Variants in MAP3K7CL observed in about 807,000 individuals in gnomAD.
MAP3K7CL encodes the protein MAP3K7 C-terminal like.
Under a neutral mutation model 18.6 loss-of-function variants are expected in MAP3K7CL, and 16 were observed. The ratio of observed to expected loss-of-function variants is 0.86; its 90% CI spans 0.58 to 1.31. MAP3K7CL has a LOEUF of 1.31. MAP3K7CL is among the 50% of genes most tolerant of loss of function. MAP3K7CL has a pLI of 0.00. For synonymous variants in MAP3K7CL, 65 were observed against 66.8 expected, an observed-to-expected ratio of 0.97 and a Z score of 0.13; for missense variants, 163 against 174.4, an observed-to-expected ratio of 0.93 and a Z score of 0.37.
At chr21:29,139,144 T>C (rs2086947720) in intron 2 of MAP3K7CL, 1 of 152,202 alleles carries the variant, frequency 6.6e-6, no homozygotes, top group South Asian at 2.1e-4. Flanking sequence ...GAGAATTACA[T>C]GGAGTAGTTG....
intron 4 of MAP3K7CL, among the ~76,000 whole-genome samples, chr21:29,118,831 A>G (rs1365130875): frequency 6.6e-6 from 1 of 152,260 alleles, no homozygotes; most frequent in East Asian, 1.9e-4. Flanking sequence ...ATCTTTAAAC[A>G]TTTTAATTTT....
At position 29,135,060 on chromosome 21, in the gene MAP3K7CL, A is replaced by AC. The variant is rs1491581169; in HGVS notation, c.70+1647dup. On this transcript the variant is annotated intron_variant, in intron 2 of 4. Transcript: ENST00000399928. Reference sequence around the variant, plus strand: ...AGCAGGACTCCATCTCAAAAAAAAAACAAAAAAAACAAAAAACAAACCATG... The same window carrying AC: ...AGCAGGACTCCATCTCAAAAAAAAAACCAAAAAAAACAAAAAACAAACCATG... Among the ~76,000 whole-genome samples the AC allele has an allele frequency of 3.1e-3, 347 of 110,992 alleles. 2 individuals carry two copies. The highest frequency in any genetic ancestry group is 0.011 in the African/African-American group (329 of 28,894). 72.8% of individuals were successfully genotyped at this position (110,992 alleles called of 152,430 possible). A position where few individuals can be genotyped will look rare whatever the true frequency, so the allele number is the denominator to read the frequency against.
In MAP3K7CL at chr21:29,092,415, G is replaced by T. The variant is rs752825123; in HGVS notation, c.228-24G>T. 4 of 1,613,194 alleles carry T rather than the reference G, an allele frequency of 2.5e-6. No individual in the cohort carries two copies. The South Asian group carries it at 4.4e-5, about 18-fold the overall frequency. On this transcript the variant is annotated intron_variant, in intron 3 of 6. Transcript: ENST00000286791. The stretch of plus-strand genomic sequence containing the variant: ...GGGTCATTTGTCTCATCATGACTTT[G>T]ATTTGGCCTTGATCTTTATTTAGTA...
intron 4 of MAP3K7CL, among the ~76,000 whole-genome samples, chr21:29,111,145 A>G (rs1404294940): frequency 6.6e-6 from 1 of 152,012 alleles, no homozygotes; most frequent in Non-Finnish European, 1.5e-5. Context: ...AGTCCCAGCT[A>G]CTCGGGAGGC....
chr21:29,085,925 C>T (rs768811580), intron 1 of MAP3K7CL: 35 of 1,613,840 alleles, frequency 2.2e-5, no homozygotes, highest in Admixed American at 1.8e-4. Context: ...AAGGTATGTC[C>T]GCCTTCCCCC....
At chr21:29,134,477 C>T (rs2086841793) in intron 2 of MAP3K7CL, among the ~76,000 whole-genome samples, 1 of 152,212 alleles carries the variant, frequency 6.6e-6, no homozygotes, top group African/African-American at 2.4e-5. Context: ...CCAGGTGACA[C>T]ATTTAACCTG....
At chr21:29,123,055 C>CTT (rs1166550061) in intron 4 of MAP3K7CL, among the ~76,000 whole-genome samples, 23 of 89,314 alleles carry the variant, frequency 2.6e-4, no homozygotes, top group South Asian at 7.6e-4. Context: ...AAGAAATGAT[C>CTT]TTTTTTTTTT....
chr21:29,152,341 T>C (rs944344409), intron 3 of MAP3K7CL, among the ~76,000 whole-genome samples: 2 of 152,358 alleles, frequency 1.3e-5, no homozygotes, highest in East Asian at 1.9e-4. Flanking sequence ...AGTCTCTGTA[T>C]TGAAAGCAGT....
chr21:29,164,562 G>A (rs958056553), intron 4 of MAP3K7CL, among the ~76,000 whole-genome samples: 19 of 152,218 alleles, frequency 1.2e-4, no homozygotes, highest in Non-Finnish European at 4.4e-5. Context: ...AAGTTTGGGA[G>A]AATTTGTCTT....
chr21:29,082,410 G>A (rs1029108272), upstream of MAP3K7CL, among the ~76,000 whole-genome samples: 4 of 152,122 alleles, frequency 2.6e-5, no homozygotes, highest in African/African-American at 9.7e-5. Context: ...ATCTGACCAA[G>A]CTTTACTGTA....
chr21:29,145,270 C>G (rs1262546987), intron 2 of MAP3K7CL, among the ~76,000 whole-genome samples: 1 of 151,712 alleles, frequency 6.6e-6, no homozygotes, highest in Non-Finnish European at 1.5e-5. Flanking sequence ...ACATATCAAG[C>G]AACTATTTTT....
chr21:29,160,141 G>A (rs778817200), intron 4 of MAP3K7CL, 85 bp downstream of exon 4: 185 of 1,035,562 alleles, frequency 1.8e-4, no homozygotes, highest in Non-Finnish European at 2.5e-4. Flanking sequence ...CAGGCTGAGT[G>A]TGAGGATGAC....
intron 1 of MAP3K7CL, among the ~76,000 whole-genome samples, chr21:29,079,813 C>T (rs2085806788): frequency 6.6e-6 from 1 of 152,184 alleles, no homozygotes; most frequent in Admixed American, 6.5e-5. Flanking sequence ...CTTAAAGTCT[C>T]TCCAGGTTAG....
At chr21:29,137,697 A>G (rs1244621141) in intron 2 of MAP3K7CL, among the ~76,000 whole-genome samples, 1 of 152,134 alleles carries the variant, frequency 6.6e-6, no homozygotes, top group Admixed American at 6.5e-5. Flanking sequence ...GAGCTGTGGA[A>G]GAGTAACGTG....
chr21:29,131,284 A>C (rs920387679), intron 1 of MAP3K7CL: 1 of 152,208 alleles, frequency 6.6e-6, no homozygotes, highest in African/African-American at 2.4e-5. Context: ...TTGGTGCGGG[A>C]AAGTGTTGGG....
At chr21:29,114,972 C>T (rs1455364782) in intron 4 of MAP3K7CL, among the ~76,000 whole-genome samples, 4 of 152,192 alleles carry the variant, frequency 2.6e-5, no homozygotes, top group African/African-American at 9.7e-5. Context: ...ACACAGAGCC[C>T]TGAGGAAATC....
At chr21:29,116,197 T>C (rs2086502694) in intron 4 of MAP3K7CL, among the ~76,000 whole-genome samples, 1 of 152,214 alleles carries the variant, frequency 6.6e-6, no homozygotes, top group Non-Finnish European at 1.5e-5. Flanking sequence ...CAGGCTACAA[T>C]AAATCTTCAG....
chr21:29,097,211 A>G (rs2086138831), intron 4 of MAP3K7CL, among the ~76,000 whole-genome samples: 1 of 152,178 alleles, frequency 6.6e-6, no homozygotes, highest in Non-Finnish European at 1.5e-5. Context: ...CACTCAGAGT[A>G]TCTAGTAGGA....
In MAP3K7CL at chr21:29,175,004, A is replaced by G. The variant is rs1386114369; in HGVS notation, c.*112A>G. The G allele has an allele frequency of 1.9e-6, 2 of 1,043,046 alleles. No individual in the cohort carries two copies. The highest frequency in any genetic ancestry group is 1.6e-5 in the African/African-American group (1 of 62,050). The allele number at this position is 1,043,046 out of a possible 1,614,324, so 64.6% of individuals were successfully genotyped here. On this transcript the variant is annotated 3_prime_UTR_variant, in exon 5 of 5. Coordinates refer to ENST00000399928, the MANE Select transcript of MAP3K7CL (RefSeq NM_001286620.2). ...GATCTATTGCTTCTCTGTATTACCC[A>G]CATGACAACTGTCTATAATGAGTTT...
Sources: allele counts gnomAD v4.1 joint callset (sites outside exome capture counted in the v4.1 genomes callset), GRCh38; gene constraint gnomAD v4.1.1; transcripts MANE v1.5; gene names NCBI Gene and HGNC (gene_info 2026-07-23, HGNC 2026-07-21).